The following GABRR2 variants were observed in gnomAD, a reference collection of about 807,000 sequenced individuals.
GABRR2 encodes the protein gamma-aminobutyric acid receptor subunit rho-2.
Under a neutral mutation model 47.0 loss-of-function variants are expected in GABRR2, and 36 were observed. The ratio of observed to expected loss-of-function variants is 0.77; its 90% CI spans 0.59 to 1.01. The LOEUF (loss-of-function observed/expected upper bound fraction) is 1.01, where lower values mean the gene tolerates loss of function less well. Ranked by LOEUF, GABRR2 falls within the 50% of genes least tolerant of loss-of-function variation. GABRR2 has a pLI of 0.00. For missense variants in GABRR2, 587 were observed against 594.6 expected, an observed-to-expected ratio of 0.99 and a Z score of 0.13; for synonymous variants, 204 against 227.5, an observed-to-expected ratio of 0.90 and a Z score of 0.93.
At chr6:89,294,785 C>A (rs1481745583) in intron 2 of GABRR2, among the ~76,000 whole-genome samples, 1 of 106,482 alleles carries the variant, frequency 9.4e-6, no homozygotes, top group East Asian at 3.3e-4. Context: ...TGCTATCCCT[C>A]CCCCCTCCCC....
intron 2 of GABRR2, among the ~76,000 whole-genome samples, chr6:89,298,883 C>T (rs1029595153): frequency 1.9e-4 from 29 of 152,100 alleles, no homozygotes; most frequent in African/African-American, 6.8e-4. Flanking sequence ...AGAAAAGAGG[C>T]CCTAGAGAGC....
At chr6:89,267,649 T>C (rs2127831030) in intron 6 of GABRR2, 30 bp downstream of exon 6, 2 of 1,594,550 alleles carry the variant, frequency 1.3e-6, no homozygotes, top group Non-Finnish European at 8.5e-7. Flanking sequence ...TCTTGCACAT[T>C]TGAATCAGAT....
Position 89,257,944 on chromosome 6 carries a change from A to G in GABRR2, c.1124T>C (p.Met375Thr). 1 of 1,613,838 alleles carries G rather than the reference A, an allele frequency of 6.2e-7. No individual in the cohort carries two copies. The highest frequency in any genetic ancestry group is 8.5e-7 in the Non-Finnish European group (1 of 1,179,828). Residue 375 changes from methionine (M) to threonine (T), a missense_variant, in exon 9 of 9, where the codon ATG becomes ACG. Transcript: ENST00000402938. ...CMCGMLHSKT[M>T]MLDGSYSESE... is the part of the protein sequence containing the mutation. ...CTCACTGTAGCTTCCATCCAGCATCATGGTTTTTGAATGAAGCATTCCACA... is the reference window on the plus strand; with the variant it reads ...CTCACTGTAGCTTCCATCCAGCATCGTGGTTTTTGAATGAAGCATTCCACA...
At chr6:89,296,858 AG>A (rs1774563779) in intron 2 of GABRR2, among the ~76,000 whole-genome samples, 1 of 152,224 alleles carries the variant, frequency 6.6e-6, no homozygotes, top group South Asian at 2.1e-4. Context: ...CATTTTCATA[AG>A]GCTTTCGCTT....
chr6:89,313,030 A>G (rs976054477), intron 1 of GABRR2, among the ~76,000 whole-genome samples: 4 of 152,184 alleles, frequency 2.6e-5, no homozygotes, highest in African/African-American at 9.7e-5. Flanking sequence ...GTCCCTGGGC[A>G]CCCCAAGGGA....
At chr6:89,295,258 C>T (rs1397494859) in intron 2 of GABRR2, among the ~76,000 whole-genome samples, 1 of 152,224 alleles carries the variant, frequency 6.6e-6, no homozygotes, top group East Asian at 1.9e-4. Flanking sequence ...GTCCCACCAA[C>T]AGTGTAAAAG....
At chr6:89,286,830 G>T (rs182125990) in intron 2 of GABRR2, among the ~76,000 whole-genome samples, 5 of 152,292 alleles carry the variant, frequency 3.3e-5, no homozygotes, top group African/African-American at 1.2e-4. Flanking sequence ...TCAGGTTGCG[G>T]CTTGTGTTCC....
chr6:89,269,378 T>C, intron 3 of GABRR2, 144 bp from the exon 4 acceptor site: 8 of 673,480 alleles, frequency 1.2e-5, no homozygotes, highest in Non-Finnish European at 1.8e-5. Context: ...TGTGGCAGGA[T>C]GGCACTGTGC....
chr6:89,313,978 G>A (rs1383763769), intron 1 of GABRR2, among the ~76,000 whole-genome samples: 2 of 150,056 alleles, frequency 1.3e-5, no homozygotes, highest in African/African-American at 4.9e-5. Context: ...GTTGCCACTG[G>A]GATACTGGAA....
At chr6:89,287,818 G>A (rs1250697122) in intron 2 of GABRR2, among the ~76,000 whole-genome samples, 1 of 152,200 alleles carries the variant, frequency 6.6e-6, no homozygotes, top group East Asian at 1.9e-4. Flanking sequence ...TAAAAATATT[G>A]TTTACTGAGC....
At chr6:89,314,352 C>T (rs1001655540) in intron 1 of GABRR2, among the ~76,000 whole-genome samples, 2 of 152,130 alleles carry the variant, frequency 1.3e-5, no homozygotes, top group Non-Finnish European at 2.9e-5. Context: ...CTACTTCAGG[C>T]CTGGAGTATG....
rs1048590450 is a variant in GABRR2, at chr6:89,269,495, C to T, written c.289-261G>A. 5 of 506,596 alleles carry T rather than the reference C, an allele frequency of 9.9e-6. No individual in the cohort carries two copies. The East Asian group carries it at 1.1e-4, about 11-fold the overall frequency. The allele number at this position is 506,596 out of a possible 1,614,324, so 31.4% of individuals were successfully genotyped here. A position where few individuals can be genotyped will look rare whatever the true frequency, so the allele number is the denominator to read the frequency against. ...AAATGAAAACTGCAGCTGTGATGCT[C>T]GCAGCCTGGCCTGGTGGCCAGTGGG... On this transcript the variant is annotated intron_variant, in intron 3 of 8. Transcript: ENST00000402938.
intron 2 of GABRR2, among the ~76,000 whole-genome samples, chr6:89,277,953 C>T (rs896445672): frequency 1.3e-5 from 2 of 152,020 alleles, no homozygotes; most frequent in South Asian, 2.1e-4. Flanking sequence ...CCCCATGACC[C>T]AGGGACTCTA....
At chr6:89,301,044 C>T (rs1380333812) in intron 1 of GABRR2, among the ~76,000 whole-genome samples, 1 of 152,186 alleles carries the variant, frequency 6.6e-6, no homozygotes, top group African/African-American at 2.4e-5. Context: ...GAATCCACCA[C>T]AATCAAGTAG....
intron 2 of GABRR2, among the ~76,000 whole-genome samples, chr6:89,295,303 T>G (rs1774534976): frequency 6.6e-6 from 1 of 152,212 alleles, no homozygotes; most frequent in Non-Finnish European, 1.5e-5. Flanking sequence ...CCAGCACCTG[T>G]TGTTTCCTGA....
At chr6:89,283,338 T>G (rs756596896) in intron 2 of GABRR2, among the ~76,000 whole-genome samples, 2 of 152,218 alleles carry the variant, frequency 1.3e-5, no homozygotes, top group Non-Finnish European at 2.9e-5. Context: ...AAAAATGACA[T>G]ATATACATAT....
intron 1 of GABRR2, among the ~76,000 whole-genome samples, chr6:89,303,739 T>C (rs1374072767): frequency 2.0e-5 from 3 of 149,894 alleles, no homozygotes; most frequent in Admixed American, 6.6e-5. Flanking sequence ...CAAAACAGCA[T>C]GGTACTGGTA....
At chr6:89,265,349 T>C (rs56253959) in intron 7 of GABRR2, among the ~76,000 whole-genome samples, 16,392 of 152,118 alleles carry the variant, frequency 0.11, 920 homozygotes, top group Middle Eastern at 0.15. Flanking sequence ...AGCTCTGATA[T>C]TGCCAGTTGT....
Position 89,257,695 on chromosome 6 carries a change from A to G in GABRR2, c.1373T>C (p.Leu458Ser). ...CTAGGAAAACACTGACCAATAAATT[A>G]AGTTGAAAAATATGTAGGAGGCAGG... Reference protein sequence around the residue: ...IFPASYIFFNLIYWSVFS With the variant: ...IFPASYIFFNSIYWSVFS The change falls in exon 9 of 9, where the codon TTA becomes TCA. Residue 458 changes from leucine to serine, a missense_variant. Physicochemically the swap from Leu to Ser is moderately radical, Grantham distance 145. Transcript: ENST00000402938. The G allele has an allele frequency of 6.2e-7, 1 of 1,613,234 alleles. No individual in the cohort carries two copies. The highest frequency in any genetic ancestry group is 8.5e-7 in the Non-Finnish European group (1 of 1,179,504).
Sources: allele counts gnomAD v4.1 joint callset (sites outside exome capture counted in the v4.1 genomes callset), GRCh38; gene constraint gnomAD v4.1.1; transcripts MANE v1.5; gene names NCBI Gene and HGNC (gene_info 2026-07-23, HGNC 2026-07-21).